The following HNF1B variants were observed in gnomAD, a reference collection of about 807,000 sequenced individuals.
The protein encoded by HNF1B is hepatocyte nuclear factor 1-beta.
A neutral mutation model predicts 61.7 loss-of-function variants in HNF1B; 8 were observed. That is an observed-to-expected ratio of 0.13 (90% CI 0.08 to 0.23). The LOEUF (loss-of-function observed/expected upper bound fraction) is 0.23, where lower values mean the gene tolerates loss of function less well. Among genes scored for constraint, HNF1B ranks in the 10% least tolerant of loss-of-function variants. HNF1B has a pLI of 1.00. For missense variants in HNF1B, 562 were observed against 714.5 expected (o/e 0.79, Z 2.43); for synonymous variants, 314 against 287.7 (o/e 1.09, Z -0.93).
intron 2 of HNF1B, among the ~76,000 whole-genome samples, chr17:37,736,906 C>G (rs1193591313): frequency 2.0e-5 from 3 of 152,208 alleles, no homozygotes; most frequent in African/African-American, 7.2e-5. Context: ...TTTGCTCCCT[C>G]TAGCCACCAA....
At chr17:37,704,517 T>C (rs2032674554) in intron 6 of HNF1B, among the ~76,000 whole-genome samples, 1 of 152,192 alleles carries the variant, frequency 6.6e-6, no homozygotes, top group South Asian at 2.1e-4. Context: ...TACTTAGTGA[T>C]AGGAATGAAC....
chr17:37,691,308 A>T (rs534566410), intron 8 of HNF1B, among the ~76,000 whole-genome samples: 8 of 152,334 alleles, frequency 5.3e-5, no homozygotes, highest in African/African-American at 1.9e-4. Context: ...TGTGAGATTC[A>T]TTGTGGCTCC....
At chr17:37,729,056 GTCTTTATACATTCAC>G (rs2033602518) in intron 4 of HNF1B, 1 of 152,222 alleles carries the variant, frequency 6.6e-6, no homozygotes, top group South Asian at 2.1e-4. Flanking sequence ...CGGGAAAGGT[GTCTTTATACATTCAC>G]TCCTTTCATC....
At chr17:37,740,103 G>T (rs1055861388) in intron 1 of HNF1B, among the ~76,000 whole-genome samples, 2 of 151,956 alleles carry the variant, frequency 1.3e-5, no homozygotes, top group Non-Finnish European at 2.9e-5. Flanking sequence ...AGAGTAACTG[G>T]GATTATAGAT....
rs201113814 is a variant in HNF1B, at chr17:37,705,017, G to C, written c.1239C>G (p.Val413=). 1 of 1,614,110 alleles carries C rather than the reference G, an allele frequency of 6.2e-7. No homozygotes were observed. The highest frequency in any genetic ancestry group is 8.5e-7 in the Non-Finnish European group (1 of 1,179,970). The change falls in exon 6 of 9, where the codon GTC becomes GTG. Residue 413 remains valine (V), a synonymous_variant. Coordinates refer to ENST00000617811, the MANE Select transcript of HNF1B (RefSeq NM_000458.4). ...ISVSGGGLPP[V]STLTNIHSLS... is the part of the protein sequence containing the mutation. ...GGCTGTGGATATTCGTCAAGGTGCT[G>C]ACTGGGGGCAAACCTCCTCCTGAGA...
At chr17:37,739,816 T>C (rs984167483) in intron 1 of HNF1B, among the ~76,000 whole-genome samples, 177 bp from the exon 2 acceptor site, 2 of 152,142 alleles carry the variant, frequency 1.3e-5, no homozygotes, top group Admixed American at 1.3e-4. Flanking sequence ...AGAAGGTGAC[T>C]GCCCCTGTAC....
At chr17:37,703,812 T>C (rs1304312089) in intron 6 of HNF1B, among the ~76,000 whole-genome samples, 1 of 152,214 alleles carries the variant, frequency 6.6e-6, no homozygotes, top group Non-Finnish European at 1.5e-5. Flanking sequence ...CCAATGGGCT[T>C]AGCCCTGTTC....
chr17:37,693,189 CAAAAAA>C (rs11464180), intron 8 of HNF1B, among the ~76,000 whole-genome samples: 4 of 47,756 alleles, frequency 8.4e-5, no homozygotes, highest in Non-Finnish European at 1.2e-4. Flanking sequence ...GATTCCATCT[CAAAAAA>C]AAAAAAAAAA....
At chr17:37,693,189 CAAA>C (rs11464180) in intron 8 of HNF1B, among the ~76,000 whole-genome samples, 11 of 47,768 alleles carry the variant, frequency 2.3e-4, no homozygotes, top group Middle Eastern at 0.012. Context: ...GATTCCATCT[CAAA>C]AAAAAAAAAA....
intron 4 of HNF1B, among the ~76,000 whole-genome samples, chr17:37,719,147 G>A (rs1190469100): frequency 6.6e-6 from 1 of 151,510 alleles, no homozygotes; most frequent in South Asian, 2.1e-4. Flanking sequence ...TTATTATTTT[G>A]AAGAGATGGG....
At chr17:37,719,960 C>T (rs2033254211) in intron 4 of HNF1B, among the ~76,000 whole-genome samples, 1 of 152,180 alleles carries the variant, frequency 6.6e-6, no homozygotes, top group African/African-American at 2.4e-5. Context: ...TCACAGAGGG[C>T]ATCTCCATCA....
chr17:37,724,013 G>A (rs2033411180), intron 4 of HNF1B, among the ~76,000 whole-genome samples: 1 of 152,132 alleles, frequency 6.6e-6, no homozygotes, highest in Non-Finnish European at 1.5e-5. Flanking sequence ...TGTGCTGGCT[G>A]GATTTAAAAG....
intron 5 of HNF1B, among the ~76,000 whole-genome samples, chr17:37,706,499 A>G (rs559977274): frequency 6.6e-6 from 1 of 152,196 alleles, no homozygotes; most frequent in Admixed American, 6.5e-5. Context: ...TCAACTCCAT[A>G]GTGTCCAAGG....
chr17:37,713,217 T>A (rs759446252), intron 4 of HNF1B, among the ~76,000 whole-genome samples: 2 of 152,200 alleles, frequency 1.3e-5, no homozygotes, highest in Non-Finnish European at 2.9e-5. Context: ...CCTGTCCCCA[T>A]CATCGATTCA....
chr17:37,689,626 G>A (rs1485921226), intron 8 of HNF1B, among the ~76,000 whole-genome samples: 6 of 152,240 alleles, frequency 3.9e-5, no homozygotes, highest in Non-Finnish European at 5.9e-5. Flanking sequence ...GCAGCCCCAC[G>A]GGGGCCTGGC....
At chr17:37,739,789 T>C in intron 1 of HNF1B, 150 bp from the exon 2 acceptor site, 1 of 747,620 alleles carries the variant, frequency 1.3e-6, no homozygotes, top group Admixed American at 2.0e-5. Context: ...GAGGCCAAAA[T>C]GGAAGCTAAA....
chr17:37,727,626 T>A (rs1291015293), intron 4 of HNF1B, among the ~76,000 whole-genome samples: 1 of 152,214 alleles, frequency 6.6e-6, no homozygotes, highest in East Asian at 1.9e-4. Context: ...TTGTAGGGCA[T>A]CTTGTAACCA....
At position 37,687,077 on chromosome 17, in the gene HNF1B, G is replaced by A; in HGVS notation, c.*295C>T. ...GAAGGATCACAACATAGACAGTACG[G>A]CTTTCTTGCTTCCTCTTCGGAGGTT... On this transcript the variant is annotated 3_prime_UTR_variant, in exon 9 of 9. Transcript: ENST00000617811. The A allele has an allele frequency of 1.7e-6, 1 of 603,226 alleles. No homozygotes were observed. Among genetic ancestry groups the A allele is most frequent in the Non-Finnish European group, 3.0e-6 (1 of 338,872 alleles). The allele number at this position is 603,226 out of a possible 1,614,324, so 37.4% of individuals were successfully genotyped here.
At chr17:37,715,426 A>G (rs1175852389) in intron 4 of HNF1B, among the ~76,000 whole-genome samples, 1 of 152,218 alleles carries the variant, frequency 6.6e-6, no homozygotes, top group Non-Finnish European at 1.5e-5. Context: ...GAAAGTGTAA[A>G]TCTGTTCCAA....
Sources: gnomAD v4.1 joint callset for allele counts (sites outside exome capture counted in the v4.1 genomes callset) on GRCh38, gnomAD v4.1.1 for gene constraint, MANE v1.5 for transcripts, NCBI Gene and HGNC (gene_info 2026-07-23, HGNC 2026-07-21) for gene names.